The following PDXDC1 variants were observed in gnomAD, a reference collection of about 807,000 sequenced individuals.
The protein encoded by PDXDC1 is pyridoxal dependent decarboxylase domain containing 1.
In PDXDC1, 42 loss-of-function variants were observed where a neutral mutation model predicts 100.1. The ratio of observed to expected loss-of-function variants is 0.42; its 90% CI spans 0.33 to 0.54. The LOEUF is 0.54. Ranked by LOEUF, PDXDC1 falls within the 20% of genes least tolerant of loss-of-function variation. The pLI, the probability that PDXDC1 is intolerant of heterozygous loss-of-function variation, is 0.10. For synonymous variants in PDXDC1, 260 were observed against 371.7 expected (o/e 0.70, Z 3.46); for missense variants, 636 against 979.2 (o/e 0.65, Z 4.68).
downstream of PDXDC1, among the ~76,000 whole-genome samples, chr16:15,140,724 C>T (rs942370927): frequency 7.9e-5 from 12 of 152,082 alleles, no homozygotes; most frequent in African/African-American, 2.4e-4. Flanking sequence ...TGGGGCAAAC[C>T]GAGAACTCCA....
At chr16:15,102,215 C>A (rs960874528) in intron 16 of PDXDC1, among the ~76,000 whole-genome samples, 1 of 151,046 alleles carries the variant, frequency 6.6e-6, no homozygotes, top group Non-Finnish European at 1.5e-5. Context: ...TGGTCTCGAC[C>A]CCCTGGCCTC....
In PDXDC1 at chr16:15,037,932, C is replaced by G. The variant is rs978254621; in HGVS notation, c.*1657C>G. 5.0e-6 allele frequency: 4 copies of G among 807,086 alleles called. No individual in the cohort carries two copies. Among genetic ancestry groups the G allele is most frequent in the Non-Finnish European group, 8.1e-6 (4 of 493,968 alleles). 50.0% of individuals were successfully genotyped at this position (807,086 alleles called of 1,614,324 possible). ...AAAGACACTGAGGAGGGAAGGAGGC[C>G]TAAGACCCAACAGATGTAGGATCCA... On this transcript the variant is annotated 3_prime_UTR_variant, in exon 23 of 23. Transcript: ENST00000396410.
At chr16:15,025,399 T>G (rs1488396394) in intron 13 of PDXDC1, 1 of 152,454 alleles carries the variant, frequency 6.6e-6, no homozygotes, top group African/African-American at 2.4e-5. Context: ...GCGCCCCTAT[T>G]TAAATATTAA....
At chr16:14,985,470 G>C (rs1406724884) in intron 1 of PDXDC1, among the ~76,000 whole-genome samples, 10 of 152,126 alleles carry the variant, frequency 6.6e-5, no homozygotes, top group Admixed American at 6.5e-4. Flanking sequence ...TGTATTTCTA[G>C]TAGAGACGGG....
intron 16 of PDXDC1, among the ~76,000 whole-genome samples, chr16:15,092,785 C>G (rs1025856082): frequency 6.6e-6 from 1 of 152,216 alleles, no homozygotes; most frequent in African/African-American, 2.4e-5. Flanking sequence ...CAACCAATAA[C>G]TGTCTTCCCA....
chr16:14,988,110 T>G, intron 1 of PDXDC1: 1 of 1,156,142 alleles, frequency 8.6e-7, no homozygotes, highest in Non-Finnish European at 1.3e-6. Context: ...CAAACTCTGG[T>G]GTATCCACAC....
At chr16:15,094,427 C>T in intron 16 of PDXDC1, 1 of 614,552 alleles carries the variant, frequency 1.6e-6, no homozygotes, top group East Asian at 2.8e-5. Context: ...AGGACTTGTT[C>T]CAGCCAGCGC....
intron 3 of PDXDC1, among the ~76,000 whole-genome samples, chr16:14,998,782 C>T (rs1224247176): frequency 2.0e-5 from 3 of 152,266 alleles, no homozygotes; most frequent in Non-Finnish European, 2.9e-5. Context: ...AGTGTCTTAT[C>T]ATCATTGATT....
At chr16:15,041,428 A>G (rs113766221), downstream of PDXDC1, among the ~76,000 whole-genome samples, 606 of 152,166 alleles carry the variant, frequency 4.0e-3, 4 homozygotes, top group African/African-American at 0.013. Flanking sequence ...AGGGGGCTGC[A>G]CTGGAACTGA....
chr16:15,065,214 C>G (rs1246650690), intron 16 of PDXDC1: 2 of 1,599,786 alleles, frequency 1.3e-6, no homozygotes, highest in Non-Finnish European at 1.7e-6. Flanking sequence ...TTTAAAAGTA[C>G]CTACCTCTTC....
At chr16:15,070,604 C>T (rs2045182233) in intron 16 of PDXDC1, among the ~76,000 whole-genome samples, 1 of 152,122 alleles carries the variant, frequency 6.6e-6, no homozygotes, top group Non-Finnish European at 1.5e-5. Context: ...AAGAGAAAGA[C>T]AGTCTGGTGG....
intron 16 of PDXDC1, among the ~76,000 whole-genome samples, chr16:15,087,205 A>G (rs2151816814): frequency 6.6e-6 from 1 of 152,314 alleles, no homozygotes; most frequent in East Asian, 1.9e-4. Context: ...TAAAAGCAAC[A>G]CAAGGTCATA....
intron 16 of PDXDC1, among the ~76,000 whole-genome samples, chr16:15,072,436 G>A (rs919370443): frequency 9.2e-5 from 14 of 152,146 alleles, no homozygotes; most frequent in African/African-American, 3.4e-4. Flanking sequence ...GTGACCAAAA[G>A]GCAGGATGAC....
At chr16:15,090,667 C>T (rs1445655218) in intron 16 of PDXDC1, among the ~76,000 whole-genome samples, 1 of 152,112 alleles carries the variant, frequency 6.6e-6, no homozygotes, top group African/African-American at 2.4e-5. Context: ...AAAATAGAGG[C>T]AGAGAGGTTA....
the PDXDC1 span, among the ~76,000 whole-genome samples, chr16:15,147,034 C>T: frequency 6.6e-6 from 1 of 151,866 alleles, no homozygotes; most frequent in African/African-American, 2.4e-5. Context: ...CTTCCTGAAA[C>T]TGAACAGGAA....
At position 14,979,288 on chromosome 16, in the gene PDXDC1, G is replaced by A. The variant is rs552048432; in HGVS notation, c.21+4068G>A. 3.4e-5 allele frequency among the ~76,000 whole-genome samples: 5 copies of A among 148,166 alleles called. No individual in the cohort carries two copies. The East Asian group carries it at 1.2e-3, about 36-fold the overall frequency. On this transcript the variant is annotated intron_variant, in intron 1 of 22. Coordinates refer to ENST00000396410, the MANE Select transcript of PDXDC1 (RefSeq NM_015027.4). ...TTCCACTGGACAGTGCTAAGAGCTG[G>A]CAATTCGTGTTTTTTTTTTGAGATG...
chr16:15,099,680 A>C (rs2046475929), intron 16 of PDXDC1, among the ~76,000 whole-genome samples: 1 of 152,128 alleles, frequency 6.6e-6, no homozygotes, highest in African/African-American at 2.4e-5. Context: ...AAAAGCATGC[A>C]AGGATTAACA....
At chr16:15,147,568 C>T in the PDXDC1 span, among the ~76,000 whole-genome samples, 1 of 152,182 alleles carries the variant, frequency 6.6e-6, no homozygotes, top group South Asian at 2.1e-4. Context: ...ACTCTGTCTC[C>T]CAGGCTGGAG....
chr16:15,020,140 G>GC (rs2042079979), intron 12 of PDXDC1, among the ~76,000 whole-genome samples: 1 of 99,930 alleles, frequency 1.0e-5, no homozygotes. Flanking sequence ...AAAAAAAAAA[G>GC]CCAAAAAACA....
Sources: gnomAD v4.1 joint callset for allele counts (sites outside exome capture counted in the v4.1 genomes callset) on GRCh38, gnomAD v4.1.1 for gene constraint, MANE v1.5 for transcripts, NCBI Gene and HGNC (gene_info 2026-07-23, HGNC 2026-07-21) for gene names.